Variants in KIRREL3 observed in about 807,000 individuals in gnomAD.
KIRREL3 encodes the protein kin of IRRE-like protein 3.
Under a neutral mutation model 89.7 loss-of-function variants are expected in KIRREL3, and 36 were observed. The ratio of observed to expected loss-of-function variants is 0.40; its 90% confidence interval spans 0.31 to 0.53. The LOEUF (loss-of-function observed/expected upper bound fraction) is 0.53. Among genes scored for constraint, KIRREL3 ranks in the 20% least tolerant of loss-of-function variants. KIRREL3 has a pLI of 0.49. For missense variants in KIRREL3, 864 were observed against 1,056.6 expected, an observed-to-expected ratio of 0.82 and a Z score of 2.53; for synonymous variants, 445 against 441.4, an observed-to-expected ratio of 1.01 and a Z score of -0.10.
Position 126,764,508 on chromosome 11 carries a change from T to C in KIRREL3, c.56-201596A>G, listed in dbSNP as rs1949758297. ...GATCTTTCATCATATGCGCCTCTGA[T>C]GCTCAACAACCTTCTTTGCTGCACC... On this transcript the variant is annotated intron_variant, in intron 1 of 16. Transcript: ENST00000525144. The surrounding 1 kb of genome is among the most constrained non-coding windows in gnomAD (Gnocchi z 4.2). 6.6e-6 allele frequency among the ~76,000 whole-genome samples: 1 copy of C among 152,152 alleles called. No individual in the cohort carries two copies. The highest frequency in any genetic ancestry group is 2.4e-5 in the African/African-American group (1 of 41,434).
intron 1 of KIRREL3, among the ~76,000 whole-genome samples, chr11:126,907,707 A>T (rs952655978): frequency 1.5e-4 from 23 of 152,274 alleles, no homozygotes; most frequent in African/African-American, 5.5e-4. Context: ...ACAGGCCTTG[A>T]GGACAGGAAA....
At chr11:126,982,888 G>A (rs916191726) in intron 1 of KIRREL3, among the ~76,000 whole-genome samples, 1 of 152,192 alleles carries the variant, frequency 6.6e-6, no homozygotes, top group African/African-American at 2.4e-5. Context: ...TTTTAAAGGA[G>A]AGTTCTCATA....
intron 1 of KIRREL3, among the ~76,000 whole-genome samples, chr11:126,706,172 G>C (rs1947523320): frequency 6.6e-6 from 1 of 152,196 alleles, no homozygotes; most frequent in Non-Finnish European, 1.5e-5. Context: ...AACCATGAAA[G>C]TTAGTACATG....
chr11:126,632,700 C>T (rs115313010), intron 1 of KIRREL3, among the ~76,000 whole-genome samples: 3 of 148 alleles, frequency 0.02, no homozygotes, highest in Admixed American at 0.12. Flanking sequence ...CAAGCCTCCT[C>T]CACTGCATAT....
At position 126,710,542 on chromosome 11, in the gene KIRREL3, T is replaced by C. The variant is rs1381350531; in HGVS notation, c.56-147630A>G. 6.6e-6 allele frequency among the ~76,000 whole-genome samples: 1 copy of C among 152,148 alleles called. No homozygotes were observed. The highest frequency in any genetic ancestry group is 1.5e-5 in the Non-Finnish European group (1 of 68,034). On this transcript the variant is annotated intron_variant, in intron 1 of 16. Coordinates refer to ENST00000525144, the MANE Select transcript of KIRREL3 (RefSeq NM_032531.4). This position sits in a 1 kb window ranked among gnomAD's most constrained non-coding sequence, Gnocchi z 4.2. ...AGTTAACGTGTATGCAGATGGGAGC[T>C]TGGAGGACTATTTTGCTAAATGATG... is the stretch of plus-strand genomic sequence containing the variant.
rs1313797711 is a variant in KIRREL3, at chr11:126,708,488, C to A, written c.56-145576G>T. 6.6e-6 allele frequency among the ~76,000 whole-genome samples: 1 copy of A among 152,182 alleles called. No homozygotes were observed. The highest frequency in any genetic ancestry group is 1.5e-5 in the Non-Finnish European group (1 of 68,032). On this transcript the variant is annotated intron_variant, in intron 1 of 16. Coordinates refer to ENST00000525144, the MANE Select transcript of KIRREL3 (RefSeq NM_032531.4). This position sits in a 1 kb window ranked among gnomAD's most constrained non-coding sequence, Gnocchi z 5.7. ...AGAGTCCTTTATCTCAGATATCAAA[C>A]CCTGGCCCAGGATACACAAGACCAG...
rs1592023370 is a variant in KIRREL3, at chr11:126,723,788, G to A, written c.56-160876C>T. Among the ~76,000 whole-genome samples, 2 of 152,338 alleles carry A rather than the reference G, an allele frequency of 1.3e-5. No individual in the cohort carries two copies. The highest frequency in any genetic ancestry group is 3.9e-4 in the East Asian group (2 of 5,190). ...GGAAGAAGGAAAGATGGAAGGAAAA[G>A]ACTTGCACAGATGCTCTTTGTGACT... On this transcript the variant is annotated intron_variant, in intron 1 of 16. Transcript: ENST00000525144. This position sits in a 1 kb window ranked among gnomAD's most constrained non-coding sequence, Gnocchi z 4.0.
chr11:126,833,648 T>C (rs543571012), intron 1 of KIRREL3, among the ~76,000 whole-genome samples: 41 of 152,336 alleles, frequency 2.7e-4, no homozygotes, highest in Non-Finnish European at 5.0e-4. Context: ...GTACAATGAA[T>C]GTATGGCCTC....
At chr11:126,854,772 A>G (rs1253055476) in intron 1 of KIRREL3, among the ~76,000 whole-genome samples, 2 of 152,130 alleles carry the variant, frequency 1.3e-5, no homozygotes, top group African/African-American at 4.8e-5. Context: ...TGGTAATTCT[A>G]TGTTTAATTT....
chr11:126,823,874 T>G (rs1592179929), intron 1 of KIRREL3, among the ~76,000 whole-genome samples: 1 of 152,300 alleles, frequency 6.6e-6, no homozygotes, highest in African/African-American at 2.4e-5. Flanking sequence ...CGAGGCACCC[T>G]GGTGCTAAGC....
intron 16 of KIRREL3, 57 bp downstream of exon 16, chr11:126,425,581 A>T: frequency 7.1e-7 from 1 of 1,405,202 alleles, no homozygotes. Flanking sequence ...GGTTTGGGCC[A>T]TCAGAGCTAA....
intron 4 of KIRREL3, among the ~76,000 whole-genome samples, chr11:126,497,807 A>G (rs886123029): frequency 1.3e-5 from 2 of 152,094 alleles, no homozygotes; most frequent in South Asian, 4.2e-4. Flanking sequence ...GGGCCCCTAT[A>G]CCGGTCCTGG....
At chr11:126,482,396 G>T (rs1957245845) in intron 4 of KIRREL3, among the ~76,000 whole-genome samples, 1 of 152,194 alleles carries the variant, frequency 6.6e-6, no homozygotes, top group Non-Finnish European at 1.5e-5. Context: ...TTTGAATCCT[G>T]GGTGCTATGT....
In KIRREL3 at chr11:126,562,669, C is replaced by T. The variant is rs541655110; in HGVS notation, c.133+166G>A. On this transcript the variant is annotated intron_variant, in intron 2 of 16. Coordinates refer to ENST00000525144, the MANE Select transcript of KIRREL3 (RefSeq NM_032531.4). This position sits in a 1 kb window ranked among gnomAD's most constrained non-coding sequence, Gnocchi z 4.7. ...TGTGTTTCAGGCATTCACTATGCTT[C>T]CCCATGTGATTGTACAAATGGCTTC... Among the ~76,000 whole-genome samples, 80 of 152,294 alleles carry T rather than the reference C, an allele frequency of 5.3e-4. No homozygotes were observed. Among genetic ancestry groups the T allele is most frequent in the African/African-American group, 1.9e-3 (79 of 41,570 alleles).
intron 1 of KIRREL3, among the ~76,000 whole-genome samples, chr11:126,716,749 G>GA (rs1947979187): frequency 1.2e-5 from 1 of 82,474 alleles, no homozygotes; most frequent in African/African-American, 5.8e-5. Flanking sequence ...TGTGTGTGTT[G>GA]GGGGGGGGGG....
chr11:126,430,344 C>T lies in KIRREL3; in HGVS notation c.1697-1056G>A, dbSNP rs11220491. On this transcript the variant is annotated intron_variant, in intron 14 of 16. Coordinates refer to ENST00000525144, the MANE Select transcript of KIRREL3 (RefSeq NM_032531.4). This position sits in a 1 kb window ranked among gnomAD's most constrained non-coding sequence, Gnocchi z 6.6. ...CCTGTAATCCCAGCGACTCAGGAGG[C>T]TTAGGCACGAGAATCGCTTGAACCT... is the stretch of plus-strand genomic sequence containing the variant. Among the ~76,000 whole-genome samples, 13,040 of 152,028 alleles carry T rather than the reference C, an allele frequency of 0.086. 1,059 individuals are homozygous for T. The highest frequency in any genetic ancestry group is 0.43 in the East Asian group (2,188 of 5,144).
At chr11:126,803,253 A>C (rs959306472) in intron 1 of KIRREL3, among the ~76,000 whole-genome samples, 5 of 152,212 alleles carry the variant, frequency 3.3e-5, no homozygotes, top group African/African-American at 1.2e-4. Context: ...TGGAAAGGCC[A>C]CACAGGGATG....
chr11:126,502,929 G>A (rs773343477), intron 4 of KIRREL3, among the ~76,000 whole-genome samples: 15 of 152,292 alleles, frequency 9.8e-5, no homozygotes, highest in Middle Eastern at 6.8e-3. Context: ...CAAGGAGGTG[G>A]GGTGAGCTGG....
At chr11:126,648,848 G>A (rs1322236676) in intron 1 of KIRREL3, among the ~76,000 whole-genome samples, 1 of 152,206 alleles carries the variant, frequency 6.6e-6, no homozygotes, top group African/African-American at 2.4e-5. Context: ...ATTTTGCCTG[G>A]TTGAATGAGT....
Sources: allele counts gnomAD v4.1 joint callset (sites outside exome capture counted in the v4.1 genomes callset), GRCh38; gene constraint gnomAD v4.1.1; non-coding constraint Gnocchi (gnomAD v3.1); transcripts MANE v1.5; gene names NCBI Gene and HGNC (gene_info 2026-07-23, HGNC 2026-07-21).